The following TRIM67 variants were observed in gnomAD, a reference collection of about 807,000 sequenced individuals.
TRIM67 encodes the protein tripartite motif-containing protein 67.
A neutral mutation model predicts 71.0 loss-of-function variants in TRIM67; 39 were observed. That is an observed-to-expected ratio of 0.55 (90% CI 0.43 to 0.72). TRIM67 has a LOEUF of 0.72. Among genes scored for constraint, TRIM67 ranks in the 30% least tolerant of loss-of-function variants. TRIM67 has a pLI of 0.00. For missense variants in TRIM67, 973 were observed against 1,079.2 expected (o/e 0.90, Z 1.38); for synonymous variants, 481 against 473.9 (o/e 1.01, Z -0.19).
intron 1 of TRIM67, among the ~76,000 whole-genome samples, chr1:231,175,817 T>C (rs902663049): frequency 3.3e-5 from 5 of 152,212 alleles, no homozygotes; most frequent in African/African-American, 7.2e-5. Flanking sequence ...AAAATTCAAA[T>C]AGATCCTTGA....
Position 231,219,972 on chromosome 1 carries a change from C to A in TRIM67, c.*4532C>A. On this transcript the variant is annotated 3_prime_UTR_variant, in exon 10 of 10. Coordinates refer to ENST00000366653, the MANE Select transcript of TRIM67 (RefSeq NM_001004342.5). ...TTTTAACCTGGCTTTAATAGTGATT[C>A]ATGGTATGAGTGGGGGCCAATCTCT... The A allele has an allele frequency of 7.8e-7, 1 of 1,289,218 alleles. No individual in the cohort carries two copies. The highest frequency in any genetic ancestry group is 1.0e-6 in the Non-Finnish European group (1 of 988,304). 79.9% of individuals were successfully genotyped at this position (1,289,218 alleles called of 1,614,324 possible). A position where few individuals can be genotyped will look rare whatever the true frequency, so the allele number is the denominator to read the frequency against.
At chr1:231,207,242 A>T (rs571911498) in intron 7 of TRIM67, among the ~76,000 whole-genome samples, 1 of 152,326 alleles carries the variant, frequency 6.6e-6, no homozygotes, top group African/African-American at 2.4e-5. Flanking sequence ...TGAGTAGGAC[A>T]GTCCCAGACA....
intron 1 of TRIM67, among the ~76,000 whole-genome samples, chr1:231,170,575 A>G (rs1682596701): frequency 6.6e-6 from 1 of 152,238 alleles, no homozygotes; most frequent in Non-Finnish European, 1.5e-5. Context: ...CTTTTATGCC[A>G]GTAGACATTC....
intron 1 of TRIM67, among the ~76,000 whole-genome samples, chr1:231,186,325 C>T (rs948997988): frequency 1.3e-5 from 2 of 152,168 alleles, no homozygotes; most frequent in African/African-American, 4.8e-5. Flanking sequence ...TTCCTGGTTT[C>T]AGCAGCGCAT....
Position 231,218,608 on chromosome 1 carries a change from G to A in TRIM67, c.*3168G>A. On this transcript the variant is annotated 3_prime_UTR_variant, in exon 10 of 10. Coordinates refer to ENST00000366653, the MANE Select transcript of TRIM67 (RefSeq NM_001004342.5). ...TGCTTTTCCTCTCTCTGTTCTCCTT[G>A]GGAAAATAATGATTCCAATTAAAGA... 1.0e-6 allele frequency: 1 copy of A among 985,418 alleles called. No individual in the cohort carries two copies. Among genetic ancestry groups the A allele is most frequent in the Non-Finnish European group, 1.2e-6 (1 of 829,932 alleles). 61.0% of individuals were successfully genotyped at this position (985,418 alleles called of 1,614,324 possible).
chr1:231,187,407 A>C (rs1683113463), intron 1 of TRIM67: 7 of 1,013,264 alleles, frequency 6.9e-6, no homozygotes, highest in African/African-American at 1.7e-5. Flanking sequence ...TTTTTAAAAA[A>C]TGAGTCATTT....
intron 1 of TRIM67, among the ~76,000 whole-genome samples, chr1:231,190,861 TC>T (rs750043522): frequency 6.6e-5 from 10 of 152,142 alleles, no homozygotes; most frequent in Non-Finnish European, 1.3e-4. Flanking sequence ...TTTGTCCTAT[TC>T]TTTCCCCACT....
intron 1 of TRIM67, chr1:231,184,557 C>G: frequency 5.9e-6 from 1 of 168,458 alleles, no homozygotes; most frequent in Middle Eastern, 2.8e-3. Context: ...AGGCATGTGC[C>G]TACCCCTTGT....
At chr1:231,169,713 C>T (rs1682574961) in intron 1 of TRIM67, among the ~76,000 whole-genome samples, 1 of 152,112 alleles carries the variant, frequency 6.6e-6, no homozygotes, top group East Asian at 1.9e-4. Context: ...AATCTTTTAC[C>T]AACTCTAAAG....
In TRIM67 at chr1:231,221,496, A is replaced by G. The variant is rs972387907; in HGVS notation, c.*6056A>G. 6.6e-6 allele frequency: 1 copy of G among 152,636 alleles called. No homozygotes were observed. The highest frequency in any genetic ancestry group is 1.5e-5 in the Non-Finnish European group (1 of 68,028). The allele number at this position is 152,636 out of a possible 1,614,324, so 9.5% of individuals were successfully genotyped here. A position where few individuals can be genotyped will look rare whatever the true frequency, so the allele number is the denominator to read the frequency against. On this transcript the variant is annotated 3_prime_UTR_variant, in exon 10 of 10. Coordinates refer to ENST00000366653, the MANE Select transcript of TRIM67 (RefSeq NM_001004342.5). ...TTGAACTTTCTGTATTACCTTTTGG[A>G]AAACCTGAGTTTTACCACAGTCTTA...
chr1:231,200,096 G>A (rs1027146828), intron 3 of TRIM67, 52 bp from the exon 4 acceptor site: 2 of 1,415,544 alleles, frequency 1.4e-6, no homozygotes, highest in Non-Finnish European at 2.0e-6. Flanking sequence ...GCGGTGGCCT[G>A]CCTGTTCTTC....
intron 3 of TRIM67, 79 bp downstream of exon 3, chr1:231,199,248 A>G (rs1171065114): frequency 7.2e-7 from 1 of 1,393,176 alleles, no homozygotes; most frequent in Admixed American, 1.7e-5. Context: ...CAGAGTAGGC[A>G]CTGGGGAAAT....
At chr1:231,180,794 G>A (rs571053306) in intron 1 of TRIM67, among the ~76,000 whole-genome samples, 17 of 152,270 alleles carry the variant, frequency 1.1e-4, no homozygotes, top group East Asian at 5.8e-4. Flanking sequence ...GTCTGAATGC[G>A]GAGGCCATGT....
At position 231,201,499 on chromosome 1, in the gene TRIM67, A is replaced by C; in HGVS notation, c.1516A>C (p.Ile506Leu). ...GCAGGCCATCCACCAGCTGGACTTC[A>C]TTCAGATGAAATGTAGGGGTGAGCC... Reference protein sequence around the residue: ...LLQAIHQLDFIQMKCRVPPVP... With the variant: ...LLQAIHQLDFLQMKCRVPPVP... Residue 506 changes from isoleucine (I) to leucine (L), a missense_variant, in exon 5 of 10, where the codon ATT (isoleucine) becomes CTT (leucine). This residue lies in a region of TRIM67 where 795 missense variants were observed against 831.3 expected (regional missense o/e 0.96). Coordinates refer to ENST00000366653, the MANE Select transcript of TRIM67 (RefSeq NM_001004342.5). 1 of 1,613,902 alleles carries C rather than the reference A, an allele frequency of 6.2e-7. No individual in the cohort carries two copies. Among genetic ancestry groups the C allele is most frequent in the South Asian group, 1.1e-5 (1 of 91,024 alleles).
intron 8 of TRIM67, among the ~76,000 whole-genome samples, chr1:231,212,571 A>G (rs1479976593): frequency 1.3e-5 from 2 of 152,220 alleles, no homozygotes; most frequent in African/African-American, 4.8e-5. Flanking sequence ...AATTCAAAGT[A>G]ACAAGTTAGA....
intron 6 of TRIM67, among the ~76,000 whole-genome samples, chr1:231,205,762 T>C (rs1394515736): frequency 6.6e-6 from 1 of 151,628 alleles, no homozygotes; most frequent in African/African-American, 2.4e-5. Context: ...AAAAGTATCT[T>C]TGAGGCCAGA....
rs1683017721 is a variant in TRIM67, at chr1:231,184,888, G to GTCTCT, written c.1045-12483_1045-12482insTCTCT. On this transcript the variant is annotated intron_variant, in intron 1 of 9. Coordinates refer to ENST00000366653, the MANE Select transcript of TRIM67 (RefSeq NM_001004342.5). ...GTGAGGACACGAAGTCTCACAGAGGGCAAGAAACTAGGTCACGTAAAATTA... is the reference window on the plus strand; with the variant it reads ...GTGAGGACACGAAGTCTCACAGAGGGTCTCTCAAGAAACTAGGTCACGTAAAATTA... The GTCTCT allele has an allele frequency of 1.8e-5, 15 of 814,936 alleles. No homozygotes were observed. The African/African-American group carries it at 2.4e-4, about 13-fold the overall frequency. 50.5% of individuals were successfully genotyped at this position (814,936 alleles called of 1,614,324 possible). A position where few individuals can be genotyped will look rare whatever the true frequency, so the allele number is the denominator to read the frequency against.
rs1684088733 is a variant in TRIM67 at position 231,219,398 on chromosome 1, G to A, written c.*3958G>A. 3.0e-6 allele frequency: 3 copies of A among 1,009,426 alleles called. No individual in the cohort carries two copies. The highest frequency in any genetic ancestry group is 2.1e-4 in the East Asian group (2 of 9,720). 62.5% of individuals were successfully genotyped at this position (1,009,426 alleles called of 1,614,324 possible). A position where few individuals can be genotyped will look rare whatever the true frequency, so the allele number is the denominator to read the frequency against. On this transcript the variant is annotated 3_prime_UTR_variant, in exon 10 of 10. Transcript: ENST00000366653. ...GGTTTGTCATGCATGGATCTGTAGA[G>A]GGACTGTGGCGCTCCGGCTGCTTTG...
At chr1:231,202,028 G>A (rs1558303799) in intron 5 of TRIM67, among the ~76,000 whole-genome samples, 2 of 152,254 alleles carry the variant, frequency 1.3e-5, no homozygotes, top group African/African-American at 2.4e-5. Flanking sequence ...TGGTGGCAGA[G>A]GAGGAGGAGG....
Sources: allele counts gnomAD v4.1 joint callset (sites outside exome capture counted in the v4.1 genomes callset), GRCh38; gene constraint gnomAD v4.1.1; regional missense constraint gnomAD v4.1.1; transcripts MANE v1.5; gene names NCBI Gene and HGNC (gene_info 2026-07-23, HGNC 2026-07-21).